ADGRV1: variants seen among roughly 807,000 people sequenced by gnomAD.
ADGRV1 encodes the protein adhesion G protein-coupled receptor V1, also known as G-protein coupled receptor 98.
Under a neutral mutation model 596.2 loss-of-function variants are expected in ADGRV1, and 359 were observed. That is an observed-to-expected ratio of 0.60 (90% CI 0.55 to 0.66). ADGRV1 has a LOEUF of 0.66. Ranked by LOEUF, ADGRV1 falls within the 30% of genes least tolerant of loss-of-function variation. The pLI is 0.00. For missense variants in ADGRV1, 7,274 were observed against 7,575.6 expected (o/e 0.96, Z 1.48); for synonymous variants, 2,681 against 2,679.2 (o/e 1.00, Z -0.02).
chr5:90,619,712 T>A (rs1038618468), intron 4 of ADGRV1, among the ~76,000 whole-genome samples: 3 of 151,818 alleles, frequency 2.0e-5, no homozygotes, highest in African/African-American at 4.8e-5. Context: ...TAACTCGTCA[T>A]TTAGCATTAG....
chr5:91,058,839 G>A (rs1787144154), intron 85 of ADGRV1, among the ~76,000 whole-genome samples: 1 of 152,130 alleles, frequency 6.6e-6, no homozygotes, highest in Non-Finnish European at 1.5e-5. Context: ...ATAATTGCAT[G>A]ACTGAGTCAC....
chr5:91,105,159 G>C (rs529918172), intron 87 of ADGRV1, among the ~76,000 whole-genome samples: 3 of 152,174 alleles, frequency 2.0e-5, no homozygotes, highest in African/African-American at 7.2e-5. Flanking sequence ...ATGAGCCACC[G>C]CACCCAGCTG....
At chr5:91,135,034 T>G (rs1203336504) in intron 87 of ADGRV1, among the ~76,000 whole-genome samples, 1 of 151,948 alleles carries the variant, frequency 6.6e-6, no homozygotes, top group Non-Finnish European at 1.5e-5. Context: ...AAACAAAAAT[T>G]AGCTGGGCAT....
intron 57 of ADGRV1, 144 bp from the exon 58 acceptor site, chr5:90,759,265 C>T (rs770589590): frequency 4.5e-5 from 27 of 596,540 alleles, no homozygotes; most frequent in Non-Finnish European, 7.6e-5. Context: ...CTTTTTAGTA[C>T]CATGTTTCTG....
At chr5:90,723,783 T>C (rs1048043894) in intron 45 of ADGRV1, among the ~76,000 whole-genome samples, 5 of 152,218 alleles carry the variant, frequency 3.3e-5, no homozygotes, top group Admixed American at 6.5e-5. Flanking sequence ...TTGATAGTTG[T>C]TCTTACTGCA....
intron 85 of ADGRV1, among the ~76,000 whole-genome samples, chr5:91,059,908 A>G (rs1004383346): frequency 1.3e-5 from 2 of 152,208 alleles, no homozygotes; most frequent in Non-Finnish European, 2.9e-5. Context: ...AATTAATAGT[A>G]ACATCATAGA....
At chr5:90,590,168 CAG>C (rs1177761085) in intron 1 of ADGRV1, among the ~76,000 whole-genome samples, 4 of 152,124 alleles carry the variant, frequency 2.6e-5, no homozygotes, top group Non-Finnish European at 2.9e-5. Context: ...GGATCAGAAA[CAG>C]AGATATTTTG....
chr5:90,818,006 C>A (rs372331089), intron 75 of ADGRV1, among the ~76,000 whole-genome samples: 3 of 151,860 alleles, frequency 2.0e-5, no homozygotes, highest in African/African-American at 7.3e-5. Flanking sequence ...ACCTTGGGCA[C>A]TATGGCCATT....
In ADGRV1 at chr5:91,094,992, C is replaced by T. The variant is rs375648434; in HGVS notation, c.18311-7227C>T. 2.2e-4 allele frequency among the ~76,000 whole-genome samples: 34 copies of T among 152,224 alleles called. No homozygotes were observed. In the East Asian group the frequency reaches 3.5e-3, roughly 16 times the overall value. ...GCCTGCTGCAACAAATATTTGCAAC[C>T]GTATCTGGAGACAGAGGCCAAAGGA... On this transcript the variant is annotated intron_variant, in intron 86 of 89. Transcript: ENST00000405460.
intron 83 of ADGRV1, among the ~76,000 whole-genome samples, chr5:90,925,419 T>A (rs916642087): frequency 1.6e-4 from 25 of 152,138 alleles, no homozygotes; most frequent in Non-Finnish European, 3.2e-4. Context: ...CACTCATGAT[T>A]TGGCTCTCTG....
chr5:90,684,801 C>A (rs970637718), intron 28 of ADGRV1, among the ~76,000 whole-genome samples: 2 of 152,134 alleles, frequency 1.3e-5, no homozygotes, highest in African/African-American at 4.8e-5. Context: ...CAGGAGAACA[C>A]AAACCTTCAG....
chr5:90,687,742 T>A (rs1209536553), intron 29 of ADGRV1, among the ~76,000 whole-genome samples: 1 of 152,080 alleles, frequency 6.6e-6, no homozygotes, highest in Non-Finnish European at 1.5e-5. Context: ...ACAAGCACTC[T>A]TATACACCAA....
At chr5:90,774,859 A>G (rs73772492) in intron 60 of ADGRV1, among the ~76,000 whole-genome samples, 5,374 of 152,308 alleles carry the variant, frequency 0.035, 124 homozygotes, top group African/African-American at 0.066. Context: ...TTTTCTAAAC[A>G]TATTTACAAT....
In ADGRV1 at chr5:90,617,850, C is replaced by A. The variant is rs1017548979; in HGVS notation, c.254C>A (p.Ala85Asp). The A allele has an allele frequency of 6.2e-6, 10 of 1,600,256 alleles. No individual in the cohort carries two copies. The highest frequency in any genetic ancestry group is 2.7e-5 in the African/African-American group (2 of 74,736). Residue 85 changes from alanine to aspartate, a missense_variant, in exon 3 of 90, where the codon GCT becomes GAT. Around this residue, in one of 5 missense-constraint regions of ADGRV1, gnomAD observed 1,715 missense variants for 1,708.8 expected, o/e 1.00. Coordinates refer to ENST00000405460, the MANE Select transcript of ADGRV1 (RefSeq NM_032119.4). ...AGDFFDTYAA[A>D]FIPAGETNRT... ...GACTTTTTTGACACATATGCTGCAG[C>A]TTTTATACCTGCCGGAGAAACAAAC...
intron 83 of ADGRV1, among the ~76,000 whole-genome samples, chr5:90,919,155 C>T (rs1468505557): frequency 6.6e-6 from 1 of 152,196 alleles, no homozygotes; most frequent in Non-Finnish European, 1.5e-5. Context: ...AGCTTCCTTC[C>T]TGTCACCCAG....
chr5:90,659,739 AAGAT>A (rs1306299268), intron 21 of ADGRV1, among the ~76,000 whole-genome samples: 3 of 152,240 alleles, frequency 2.0e-5, no homozygotes, highest in African/African-American at 4.8e-5. Context: ...ACCAAAGTAA[AAGAT>A]AGAAACAGGC....
chr5:90,927,115 T>C (rs1187667067), intron 83 of ADGRV1, among the ~76,000 whole-genome samples: 22 of 148,860 alleles, frequency 1.5e-4, no homozygotes, highest in African/African-American at 4.3e-4. Flanking sequence ...ATTCTGTTGA[T>C]TTGGGGTGGA....
chr5:90,619,871 G>A (rs1420258768), intron 4 of ADGRV1, among the ~76,000 whole-genome samples: 4 of 151,216 alleles, frequency 2.6e-5, no homozygotes, highest in Non-Finnish European at 4.4e-5. Context: ...TTGTCCTTGC[G>A]ATAGTTTGCT....
chr5:90,708,474 C>T (rs1748900647), intron 38 of ADGRV1, among the ~76,000 whole-genome samples: 1 of 151,092 alleles, frequency 6.6e-6, no homozygotes, highest in Non-Finnish European at 1.5e-5. Flanking sequence ...CCTCCTTCTA[C>T]ACATTAGATA....
Sources: allele counts gnomAD v4.1 joint callset (sites outside exome capture counted in the v4.1 genomes callset), GRCh38; gene constraint gnomAD v4.1.1; regional missense constraint gnomAD v4.1.1; transcripts MANE v1.5; gene names NCBI Gene and HGNC (gene_info 2026-07-23, HGNC 2026-07-21).